Variants in TBX5 observed in about 807,000 individuals in gnomAD.
TBX5 encodes T-box transcription factor TBX5.
TBX5 carries 8 observed loss-of-function variants against 51.1 expected under a neutral mutation model. The ratio of observed to expected loss-of-function variants is 0.16; its 90% CI spans 0.09 to 0.28. TBX5 has a LOEUF of 0.28. Among genes scored for constraint, TBX5 ranks in the 10% least tolerant of loss-of-function variants. The pLI, the probability that TBX5 is intolerant of heterozygous loss-of-function variation, is 1.00. For missense variants in TBX5, 589 were observed against 671.7 expected, an observed-to-expected ratio of 0.88 and a Z score of 1.36; for synonymous variants, 302 against 266.4, an observed-to-expected ratio of 1.13 and a Z score of -1.30.
At chr12:114,367,425 T>C (rs1869608696) in intron 7 of TBX5, among the ~76,000 whole-genome samples, 1 of 152,082 alleles carries the variant, frequency 6.6e-6, no homozygotes, top group African/African-American at 2.4e-5. Context: ...CATGACATCA[T>C]AGGTATAGCA....
intron 7 of TBX5, among the ~76,000 whole-genome samples, chr12:114,382,292 C>T (rs927815526): frequency 6.6e-6 from 1 of 151,898 alleles, no homozygotes; most frequent in African/African-American, 2.4e-5. Flanking sequence ...CCAGCCTGGG[C>T]AACAGAGCGA....
intron 6 of TBX5, among the ~76,000 whole-genome samples, chr12:114,388,676 G>A (rs1372772537): frequency 3.0e-3 from 7 of 2,362 alleles, no homozygotes; most frequent in South Asian, 0.031. Flanking sequence ...TAAAGTATCC[G>A]TGTGTGTGTG....
intron 5 of TBX5, among the ~76,000 whole-genome samples, chr12:114,396,530 T>A (rs1437195535): frequency 6.6e-6 from 1 of 152,134 alleles, no homozygotes; most frequent in East Asian, 1.9e-4. Flanking sequence ...GGGAACGTCC[T>A]GAAGCTGGCA....
chr12:114,360,036 A>G (rs1489373730), intron 8 of TBX5, among the ~76,000 whole-genome samples: 1 of 152,206 alleles, frequency 6.6e-6, no homozygotes, highest in Non-Finnish European at 1.5e-5. Flanking sequence ...AGTGCTTTTA[A>G]ATACTAATCC....
chr12:114,371,960 A>T (rs1000958370), intron 7 of TBX5, among the ~76,000 whole-genome samples: 1 of 152,138 alleles, frequency 6.6e-6, no homozygotes, highest in Admixed American at 6.5e-5. Flanking sequence ...ACACTACACC[A>T]GCAGGAGAAG....
At chr12:114,393,317 C>T (rs570089607) in intron 6 of TBX5, among the ~76,000 whole-genome samples, 1 of 152,178 alleles carries the variant, frequency 6.6e-6, no homozygotes, top group Admixed American at 6.5e-5. Context: ...GACCTGCCCT[C>T]ACAGATCCCA....
chr12:114,362,228 T>C (rs974606524), intron 8 of TBX5, among the ~76,000 whole-genome samples: 1 of 152,192 alleles, frequency 6.6e-6, no homozygotes, highest in Non-Finnish European at 1.5e-5. Flanking sequence ...TGTGCTATCA[T>C]AGCACAGTGA....
intron 7 of TBX5, among the ~76,000 whole-genome samples, chr12:114,374,647 G>C (rs1870095603): frequency 6.6e-6 from 1 of 152,212 alleles, no homozygotes; most frequent in Admixed American, 6.5e-5. Context: ...TTTCTGGGGT[G>C]ATGGGAATGT....
In TBX5 at chr12:114,405,984, G is replaced by T; in HGVS notation, c.-395C>A. The T allele has an allele frequency of 3.0e-6, 3 of 985,408 alleles. No individual in the cohort carries two copies. Among genetic ancestry groups the T allele is most frequent in the Non-Finnish European group, 3.6e-6 (3 of 829,974 alleles). The allele number at this position is 985,408 out of a possible 1,614,324, so 61.0% of individuals were successfully genotyped here. A position where few individuals can be genotyped will look rare whatever the true frequency, so the allele number is the denominator to read the frequency against. On this transcript the variant is annotated 5_prime_UTR_variant, in exon 1 of 9. Transcript: ENST00000405440. ...GGGAAAGTTGGAAGCCCAGTGAATGGTCGAAGTCCTTTCTGAGCGCAGCTT... is the reference window on the plus strand; with the variant it reads ...GGGAAAGTTGGAAGCCCAGTGAATGTTCGAAGTCCTTTCTGAGCGCAGCTT...
intron 6 of TBX5, among the ~76,000 whole-genome samples, chr12:114,392,736 G>A (rs183485426): frequency 2.7e-5 from 4 of 150,942 alleles, no homozygotes; most frequent in Admixed American, 1.3e-4. Flanking sequence ...TTTTTTTCCT[G>A]TGACCGTCAC....
At chr12:114,374,180 G>A (rs754140255) in intron 7 of TBX5, among the ~76,000 whole-genome samples, 14 of 152,220 alleles carry the variant, frequency 9.2e-5, no homozygotes, top group Non-Finnish European at 1.5e-4. Context: ...TAATATAAAA[G>A]TCTGCCTCCT....
Position 114,399,637 on chromosome 12 carries a change from G to A in TBX5, c.243-5C>T, listed in dbSNP as rs1871673825. On this transcript the variant is annotated splice_polypyrimidine_tract_variant and splice_region_variant and intron_variant, in intron 3 of 8. Coordinates refer to ENST00000405440, the MANE Select transcript of TBX5 (RefSeq NM_181486.4). ...TTGTAACTGGGAAACATCCGCCTAA[G>A]AGAGAGGGACGGAGGGAGAGAGGGG... 1 of 1,614,154 alleles carries A rather than the reference G, an allele frequency of 6.2e-7. No individual in the cohort carries two copies. Among genetic ancestry groups the A allele is most frequent in the Non-Finnish European group, 8.5e-7 (1 of 1,180,038 alleles).
chr12:114,363,023 G>A lies in TBX5; in HGVS notation c.982+3142C>T, dbSNP rs140533705. On this transcript the variant is annotated intron_variant, in intron 8 of 8. Coordinates refer to ENST00000405440, the MANE Select transcript of TBX5 (RefSeq NM_181486.4). ...TATAATGTCCAACCTGCTTGCAACC[G>A]TATGAGCTTCACAAGGGCAGGCCTG... Among the ~76,000 whole-genome samples, 10 of 152,224 alleles carry A rather than the reference G, an allele frequency of 6.6e-5. No homozygotes were observed. In the East Asian group the frequency reaches 9.7e-4, roughly 15 times the overall value.
rs376414571 is a variant in TBX5 at position 114,403,950 on chromosome 12, G to T, written c.-38-14C>A. 2.6e-5 allele frequency: 41 copies of T among 1,596,886 alleles called. No homozygotes were observed. Among genetic ancestry groups the T allele is most frequent in the African/African-American group, 4.0e-5 (3 of 74,976 alleles). ...CAAGGTTCTGCTCTGAGGACAAGAA[G>T]CAGGGGGAGATGGGGGTGGGGAGGA... On this transcript the variant is annotated splice_polypyrimidine_tract_variant and intron_variant, in intron 1 of 8. Coordinates refer to ENST00000405440, the MANE Select transcript of TBX5 (RefSeq NM_181486.4).
rs1868837026 is a variant in TBX5 at position 114,355,557 on chromosome 12, A to G, written c.1532T>C (p.Val511Ala). Residue 511 changes from valine (V) to alanine (A), a missense_variant, in exon 9 of 9, where the codon GTG becomes GCG. Transcript: ENST00000405440. ...QYHSVHGVGMVPEWSDNS is the reference protein window; with the variant it reads ...QYHSVHGVGMAPEWSDNS The stretch of plus-strand genomic sequence containing the variant: ...TTAGCTATTGTCGCTCCACTCTGGC[A>G]CCATGCCAACTCCGTGCACAGAGTG... The G allele has an allele frequency of 2.5e-6, 4 of 1,614,090 alleles. No homozygotes were observed. In the East Asian group the frequency reaches 8.9e-5, roughly 36 times the overall value.
chr12:114,358,857 C>G (rs1869070737), intron 8 of TBX5, among the ~76,000 whole-genome samples: 1 of 152,010 alleles, frequency 6.6e-6, no homozygotes, highest in Admixed American at 6.6e-5. Flanking sequence ...TCCTCACCAC[C>G]TCCTCCCTTG....
chr12:114,359,411 G>A (rs879354997), intron 8 of TBX5, among the ~76,000 whole-genome samples: 4 of 152,092 alleles, frequency 2.6e-5, no homozygotes, highest in Non-Finnish European at 5.9e-5. Context: ...CAACAGCAAA[G>A]ACCTATCTCC....
At chr12:114,361,459 G>T (rs183191221) in intron 8 of TBX5, among the ~76,000 whole-genome samples, 1 of 152,300 alleles carries the variant, frequency 6.6e-6, no homozygotes, top group East Asian at 1.9e-4. Flanking sequence ...GTGAGAGGGA[G>T]AAAGACAGAC....
At chr12:114,396,656 G>A (rs1407935550) in intron 5 of TBX5, among the ~76,000 whole-genome samples, 1 of 152,120 alleles carries the variant, frequency 6.6e-6, no homozygotes, top group Non-Finnish European at 1.5e-5. Flanking sequence ...AATGAGCCTG[G>A]GGAACCGTCC....
Sources: gnomAD v4.1 joint callset for allele counts (sites outside exome capture counted in the v4.1 genomes callset) on GRCh38, gnomAD v4.1.1 for gene constraint, MANE v1.5 for transcripts, NCBI Gene and HGNC (gene_info 2026-07-23, HGNC 2026-07-21) for gene names.